The following FANCL variants were observed in gnomAD, a reference collection of about 807,000 sequenced individuals.
FANCL encodes E3 ubiquitin-protein ligase FANCL.
FANCL carries 69 observed loss-of-function variants against 59.4 expected under a neutral mutation model. The observed-to-expected ratio is 1.16, with a 90% CI of 0.96 to 1.42. The LOEUF is 1.42. FANCL is among the 40% of genes most tolerant of loss of function. The pLI is 0.00. For missense variants in FANCL, 519 were observed against 447.2 expected (o/e 1.16, Z -1.45); for synonymous variants, 180 against 147.1 (o/e 1.22, Z -1.62).
intron 7 of FANCL, among the ~76,000 whole-genome samples, chr2:58,171,984 GC>G (rs1383728781): frequency 1.9e-4 from 29 of 152,344 alleles, no homozygotes; most frequent in African/African-American, 7.0e-4. Context: ...CGCCCACGGA[GC>G]CTCCTTCATT....
chr2:58,225,209 T>C (rs1467329102), intron 4 of FANCL, among the ~76,000 whole-genome samples: 2 of 151,042 alleles, frequency 1.3e-5, no homozygotes, highest in East Asian at 1.9e-4. Flanking sequence ...TAAAAATCTA[T>C]GAGTTCATAA....
chr2:58,205,722 C>A (rs991522305), intron 5 of FANCL, among the ~76,000 whole-genome samples: 1 of 151,938 alleles, frequency 6.6e-6, no homozygotes. Flanking sequence ...GCTGATAAAA[C>A]AGAAAAGAAG....
chr2:58,188,743 A>T (rs1317832255), intron 7 of FANCL, among the ~76,000 whole-genome samples: 1 of 151,020 alleles, frequency 6.6e-6, no homozygotes, highest in Non-Finnish European at 1.5e-5. Context: ...ACCAGCCATA[A>T]TTTTGTCAAT....
intron 7 of FANCL, among the ~76,000 whole-genome samples, chr2:58,178,046 G>C (rs1484039948): frequency 6.6e-6 from 1 of 152,028 alleles, no homozygotes; most frequent in African/African-American, 2.4e-5. Context: ...TCAGGAAGAA[G>C]TCAAATCCCG....
rs1178303647 is a variant in FANCL, at chr2:58,159,736, G to C, written c.*29C>G. The C allele has an allele frequency of 4.3e-6, 7 of 1,612,588 alleles. No individual in the cohort carries two copies. The highest frequency in any genetic ancestry group is 5.9e-6 in the Non-Finnish European group (7 of 1,179,514). ...CTTTTGATAATTTTTTAAGTTTCCA[G>C]CTCTTCACCGAAATGTTGTATTCTT... On this transcript the variant is annotated 3_prime_UTR_variant, in exon 14 of 14. Coordinates refer to ENST00000233741, the MANE Select transcript of FANCL (RefSeq NM_018062.4).
chr2:58,224,653 T>G (rs574431166), intron 4 of FANCL, among the ~76,000 whole-genome samples: 1 of 151,964 alleles, frequency 6.6e-6, no homozygotes, highest in African/African-American at 2.4e-5. Context: ...ATATCAAAAC[T>G]TTCCATTGTT....
chr2:58,220,176 A>G (rs968026033), intron 5 of FANCL, among the ~76,000 whole-genome samples: 16 of 152,240 alleles, frequency 1.1e-4, no homozygotes, highest in Non-Finnish European at 1.5e-4. Context: ...ATTTTTATCA[A>G]GACCAGGATT....
At chr2:58,164,258 G>A (rs555281351) in intron 8 of FANCL, among the ~76,000 whole-genome samples, 109 of 152,004 alleles carry the variant, frequency 7.2e-4, no homozygotes, top group African/African-American at 2.5e-3. Flanking sequence ...CATTTTCATC[G>A]TAAAAATGTC....
chr2:58,225,154 G>A (rs1367965268), intron 4 of FANCL, among the ~76,000 whole-genome samples: 1 of 150,672 alleles, frequency 6.6e-6, no homozygotes, highest in Non-Finnish European at 1.5e-5. Flanking sequence ...GACAATTTAA[G>A]CATCAAAAAG....
intron 7 of FANCL, among the ~76,000 whole-genome samples, chr2:58,178,606 C>A (rs1368576304): frequency 1.3e-5 from 2 of 152,132 alleles, no homozygotes; most frequent in African/African-American, 4.8e-5. Context: ...CTATTTATGA[C>A]AAACCCACAG....
chr2:58,237,969 T>C (rs1298938831), intron 1 of FANCL, among the ~76,000 whole-genome samples: 1 of 152,134 alleles, frequency 6.6e-6, no homozygotes, highest in African/African-American at 2.4e-5. Context: ...ACTATAAAGA[T>C]CCATGTGGTG....
chr2:58,195,547 A>G (rs1689344573), intron 7 of FANCL, among the ~76,000 whole-genome samples: 1 of 152,202 alleles, frequency 6.6e-6, no homozygotes, highest in South Asian at 2.1e-4. Flanking sequence ...TTTGAAACAC[A>G]ACAGAAACCA....
chr2:58,182,515 G>A (rs970101333), intron 7 of FANCL, among the ~76,000 whole-genome samples: 1 of 151,648 alleles, frequency 6.6e-6, no homozygotes, highest in Non-Finnish European at 1.5e-5. Flanking sequence ...TTTTATTCCT[G>A]CGATAAATTT....
chr2:58,232,009 C>G (rs1354754303), intron 2 of FANCL, 45 bp downstream of exon 2: 1 of 1,544,668 alleles, frequency 6.5e-7, no homozygotes, highest in African/African-American at 1.4e-5. Flanking sequence ...CTGCCTGTCC[C>G]ACCAAAATGC....
chr2:58,217,203 TATATATATATATACAC>T (rs1482742712), intron 5 of FANCL, among the ~76,000 whole-genome samples: 229 of 8,666 alleles, frequency 0.026, 1 homozygote, highest in African/African-American at 0.076. Context: ...TATATATATA[TATATATATATATACAC>T]ACACACACAC....
intron 5 of FANCL, 88 bp downstream of exon 5, chr2:58,221,854 A>G: frequency 1.1e-6 from 1 of 890,204 alleles, no homozygotes; most frequent in South Asian, 1.4e-5. Context: ...TTTGACTAAA[A>G]TCAGGTATAA....
intron 5 of FANCL, among the ~76,000 whole-genome samples, chr2:58,212,105 G>C (rs957608042): frequency 3.9e-5 from 6 of 152,174 alleles, no homozygotes; most frequent in African/African-American, 1.4e-4. Context: ...ACATACCCAA[G>C]ATTGGGCAAT....
At chr2:58,237,156 G>A (rs1193092680) in intron 1 of FANCL, among the ~76,000 whole-genome samples, 1 of 152,044 alleles carries the variant, frequency 6.6e-6, no homozygotes, top group Admixed American at 6.6e-5. Context: ...CTACCCAATA[G>A]CAACAGAATA....
intron 7 of FANCL, among the ~76,000 whole-genome samples, chr2:58,192,589 T>G (rs535172334): frequency 3.3e-5 from 5 of 152,092 alleles, no homozygotes; most frequent in East Asian, 1.9e-4. Context: ...TTCATAATAA[T>G]GTAAACACTG....
Sources: allele counts gnomAD v4.1 joint callset (sites outside exome capture counted in the v4.1 genomes callset), GRCh38; gene constraint gnomAD v4.1.1; transcripts MANE v1.5; gene names NCBI Gene and HGNC (gene_info 2026-07-23, HGNC 2026-07-21).